Variants in SPRED1 observed in about 807,000 individuals in gnomAD.
SPRED1 encodes sprouty-related, EVH1 domain-containing protein 1.
SPRED1 carries 18 observed loss-of-function variants against 52.3 expected under a neutral mutation model. The ratio of observed to expected loss-of-function variants is 0.34; its 90% CI spans 0.24 to 0.51. The LOEUF (loss-of-function observed/expected upper bound fraction) is 0.51. SPRED1 is among the 20% of genes least tolerant of loss of function. The probability of loss-of-function intolerance (pLI) is 0.97; values close to 1 mark genes in which losing one functional copy is unlikely to be tolerated. For missense variants in SPRED1, 485 were observed against 551.0 expected, an observed-to-expected ratio of 0.88 and a Z score of 1.20; for synonymous variants, 155 against 179.7, an observed-to-expected ratio of 0.86 and a Z score of 1.10.
intron 1 of SPRED1, among the ~76,000 whole-genome samples, chr15:38,279,089 G>A (rs1399514335): frequency 6.6e-6 from 1 of 152,090 alleles, no homozygotes; most frequent in Non-Finnish European, 1.5e-5. Flanking sequence ...GCCTCCCAAA[G>A]TGTTGGGATT....
intron 6 of SPRED1, 145 bp downstream of exon 6, chr15:38,349,668 G>A (rs1458211756): frequency 8.0e-6 from 5 of 621,396 alleles, no homozygotes; most frequent in African/African-American, 5.5e-5. Flanking sequence ...GTGCTTAAAC[G>A]CTGTTAGTTA....
At chr15:38,266,629 A>G (rs1894311879) in intron 1 of SPRED1, among the ~76,000 whole-genome samples, 1 of 150,486 alleles carries the variant, frequency 6.6e-6, no homozygotes, top group Admixed American at 6.7e-5. Flanking sequence ...CAACAGAGTG[A>G]GACTCTGTCT....
In SPRED1 at chr15:38,357,026, T is replaced by C. The variant is rs1172054537; in HGVS notation, c.*5362T>C. 6.6e-6 allele frequency: 1 copy of C among 152,166 alleles called. No individual in the cohort carries two copies. The highest frequency in any genetic ancestry group is 1.5e-5 in the Non-Finnish European group (1 of 68,010). 9.4% of individuals were successfully genotyped at this position (152,166 alleles called of 1,614,324 possible). On this transcript the variant is annotated 3_prime_UTR_variant, in exon 7 of 7. Coordinates refer to ENST00000299084, the MANE Select transcript of SPRED1 (RefSeq NM_152594.3). ...CATCAAGTTAATACCCACAAGTAAG[T>C]AGAATAGCTTTTATAACAAGGAAAT...
intron 2 of SPRED1, 44 bp from the exon 3 acceptor site, chr15:38,322,197 A>G (rs1156865016): frequency 6.3e-7 from 1 of 1,583,308 alleles, no homozygotes; most frequent in Admixed American, 1.7e-5. Flanking sequence ...CATTAGATGC[A>G]TTTGATATAT....
At chr15:38,323,975 C>G (rs1895656220) in intron 3 of SPRED1, among the ~76,000 whole-genome samples, 1 of 152,084 alleles carries the variant, frequency 6.6e-6, no homozygotes, top group Non-Finnish European at 1.5e-5. Flanking sequence ...AGTACTTAGT[C>G]TGCCTTGTTA....
chr15:38,269,925 T>G (rs1894397162), intron 1 of SPRED1, among the ~76,000 whole-genome samples: 1 of 54,974 alleles, frequency 1.8e-5, no homozygotes. Flanking sequence ...TTTTTTTTTT[T>G]GAGACAGAGT....
At chr15:38,302,574 G>A (rs1595735166) in intron 2 of SPRED1, among the ~76,000 whole-genome samples, 1 of 152,118 alleles carries the variant, frequency 6.6e-6, no homozygotes, top group East Asian at 1.9e-4. Flanking sequence ...TACAAAAGGT[G>A]GAGTTTATTT....
intron 1 of SPRED1, among the ~76,000 whole-genome samples, chr15:38,295,134 G>A (rs1595731007): frequency 6.6e-6 from 1 of 152,140 alleles, no homozygotes; most frequent in Non-Finnish European, 1.5e-5. Context: ...GCTAAGTAAA[G>A]CAGTCACGTG....
At chr15:38,256,181 T>TA (rs1353386912) in intron 1 of SPRED1, among the ~76,000 whole-genome samples, 1 of 152,172 alleles carries the variant, frequency 6.6e-6, no homozygotes, top group Non-Finnish European at 1.5e-5. Flanking sequence ...CATTTATGTT[T>TA]AAAAATCTTA....
intron 4 of SPRED1, among the ~76,000 whole-genome samples, chr15:38,328,120 G>A (rs1895741826): frequency 6.6e-6 from 1 of 152,164 alleles, no homozygotes; most frequent in African/African-American, 2.4e-5. Flanking sequence ...TGGCATAAAT[G>A]TTTTGAATAC....
chr15:38,327,775 G>A (rs1168272898), intron 4 of SPRED1, among the ~76,000 whole-genome samples: 2 of 152,204 alleles, frequency 1.3e-5, no homozygotes, highest in Non-Finnish European at 2.9e-5. Flanking sequence ...CTGACTTACA[G>A]AAACTATGAG....
rs369502767 is a variant in SPRED1, at chr15:38,304,907, A to G, written c.207+5360A>G. Among the ~76,000 whole-genome samples the G allele has an allele frequency of 1.2e-3, 180 of 152,124 alleles. 2 individuals are homozygous for G. Among genetic ancestry groups the G allele is most frequent in the African/African-American group, 2.5e-3 (103 of 41,488 alleles). On this transcript the variant is annotated intron_variant, in intron 2 of 6. Transcript: ENST00000299084. ...TGTTTTCTTTTTTAATTTAATCTAA[A>G]TCTTTTCAGTCAATCTCTCAAACAA...
chr15:38,338,498 A>G (rs1595756044), intron 4 of SPRED1, among the ~76,000 whole-genome samples: 1 of 152,140 alleles, frequency 6.6e-6, no homozygotes, highest in Non-Finnish European at 1.5e-5. Context: ...ATGTTTTATC[A>G]GCAACTGTCA....
At chr15:38,323,739 T>G (rs1895650627) in intron 3 of SPRED1, among the ~76,000 whole-genome samples, 1 of 152,182 alleles carries the variant, frequency 6.6e-6, no homozygotes, top group South Asian at 2.1e-4. Context: ...CCTCAGTTGA[T>G]TCTAACCTTT....
intron 1 of SPRED1, among the ~76,000 whole-genome samples, chr15:38,268,855 CCT>C (rs1404147948): frequency 1.3e-5 from 2 of 152,022 alleles, no homozygotes; most frequent in African/African-American, 4.8e-5. Context: ...TTCCTATCTA[CCT>C]CAGTACATTT....
At chr15:38,340,783 G>C (rs72711739) in intron 5 of SPRED1, among the ~76,000 whole-genome samples, 13,821 of 152,114 alleles carry the variant, frequency 0.091, 753 homozygotes, top group East Asian at 0.21. Flanking sequence ...ACCCGCCTCA[G>C]CTTCCCAAAG....
At chr15:38,281,159 A>G (rs1246032429) in intron 1 of SPRED1, among the ~76,000 whole-genome samples, 1 of 152,252 alleles carries the variant, frequency 6.6e-6, no homozygotes, top group Non-Finnish European at 1.5e-5. Flanking sequence ...AGTGGATGAA[A>G]GTAAAAAAAG....
Position 38,349,514 on chromosome 15 carries a change from C to T in SPRED1, c.675C>T (p.Ser225=), listed in dbSNP as rs144764225. The change falls in exon 6 of 7, where the codon TCC becomes TCT. Residue 225 remains serine (S), a synonymous_variant. Coordinates refer to ENST00000299084, the MANE Select transcript of SPRED1 (RefSeq NM_152594.3). The part of the protein sequence containing the change: ...QISKECGSLK[S]QNRVPLKSIR... ...CCAAGGAATGTGGAAGCCTAAAGTC[C>T]CAAAATAGGGTAAGTAATGTTAGTT... The T allele has an allele frequency of 1.1e-3, 1,730 of 1,606,344 alleles. 2 individuals are homozygous for T. Among genetic ancestry groups the T allele is most frequent in the Middle Eastern group, 8.4e-3 (51 of 6,040 alleles).
intron 1 of SPRED1, among the ~76,000 whole-genome samples, chr15:38,278,309 C>T (rs1894604319): frequency 6.6e-6 from 1 of 152,102 alleles, no homozygotes; most frequent in African/African-American, 2.4e-5. Flanking sequence ...AGATGAAACC[C>T]TGTCTCTACC....
Sources: gnomAD v4.1 joint callset for allele counts (sites outside exome capture counted in the v4.1 genomes callset) on GRCh38, gnomAD v4.1.1 for gene constraint, MANE v1.5 for transcripts, NCBI Gene and HGNC (gene_info 2026-07-23, HGNC 2026-07-21) for gene names.